The following DPP10 variants were observed in gnomAD, a reference collection of about 807,000 sequenced individuals.
DPP10 encodes the protein inactive dipeptidyl peptidase 10.
DPP10 carries 33 observed loss-of-function variants against 120.9 expected under a neutral mutation model. That is an observed-to-expected ratio of 0.27 (90% CI 0.21 to 0.37). The LOEUF is 0.37. DPP10 is among the 10% of genes least tolerant of loss of function. DPP10 has a pLI of 1.00. For missense variants in DPP10, 816 were observed against 942.8 expected, an observed-to-expected ratio of 0.87 and a Z score of 1.76; for synonymous variants, 337 against 326.1, an observed-to-expected ratio of 1.03 and a Z score of -0.36.
At chr2:115,338,790 A>G (rs970188116) in intron 2 of DPP10, among the ~76,000 whole-genome samples, 6 of 152,222 alleles carry the variant, frequency 3.9e-5, no homozygotes, top group Non-Finnish European at 8.8e-5. Context: ...GTGAAGATAT[A>G]CAAAAAGTAA....
intron 1 of DPP10, among the ~76,000 whole-genome samples, chr2:114,971,017 G>C (rs754504214): frequency 3.3e-5 from 5 of 152,146 alleles, no homozygotes; most frequent in African/African-American, 4.8e-5. Context: ...AATCCAGGGA[G>C]ATACATTTTG....
intron 1 of DPP10, among the ~76,000 whole-genome samples, chr2:114,481,786 T>C (rs1442491768): frequency 6.6e-6 from 1 of 151,976 alleles, no homozygotes; most frequent in East Asian, 1.9e-4. Context: ...TCCAATTGAT[T>C]CTCAGTTCTG....
intron 3 of DPP10, among the ~76,000 whole-genome samples, chr2:115,498,743 G>A (rs947273120): frequency 6.0e-5 from 9 of 148,978 alleles, no homozygotes; most frequent in Non-Finnish European, 1.3e-4. Context: ...TATCTCCAGA[G>A]TATCCTTATA....
chr2:115,339,541 A>G (rs13021316), intron 2 of DPP10, among the ~76,000 whole-genome samples: 7,562 of 152,264 alleles, frequency 0.05, 215 homozygotes, highest in South Asian at 0.084. Flanking sequence ...ATATCCCCAA[A>G]CCAGAAATAA....
chr2:115,284,823 A>G lies in DPP10; in HGVS notation c.61-24416A>G, dbSNP rs115243726. Among the ~76,000 whole-genome samples, 1,521 of 152,118 alleles carry G rather than the reference A, an allele frequency of 1.0e-2. 13 individuals are homozygous for G. Among genetic ancestry groups the G allele is most frequent in the Non-Finnish European group, 0.015 (1,047 of 67,910 alleles). ...TTCAGTCCTTGTCAGATGAATTTCT[A>G]CTTTATCCTCTGGATTATTGGCCCT... On this transcript the variant is annotated intron_variant, in intron 1 of 25. Transcript: ENST00000410059.
chr2:114,559,891 C>CAAAAAAAAAAAAAAAAAAAAAAAAA (rs60833358), intron 1 of DPP10, among the ~76,000 whole-genome samples: 8 of 65,926 alleles, frequency 1.2e-4, no homozygotes, highest in Non-Finnish European at 1.6e-4. Flanking sequence ...AGAAAAAAAG[C>CAAAAAAAAAAAAAAAAAAAAAAAAA]AAAAAAAAAA....
chr2:115,501,850 T>C (rs1423607381), intron 4 of DPP10, among the ~76,000 whole-genome samples: 1 of 152,084 alleles, frequency 6.6e-6, no homozygotes, highest in Non-Finnish European at 1.5e-5. Flanking sequence ...CGGGATTTAA[T>C]TTCTCTTCCA....
intron 5 of DPP10, among the ~76,000 whole-genome samples, chr2:115,636,075 C>CA (rs1201450961): frequency 1.7e-4 from 26 of 150,904 alleles, no homozygotes; most frequent in Admixed American, 1.7e-3. Context: ...CTTCTGATGA[C>CA]ATGCAATGGG....
chr2:115,536,931 A>G (rs2078883948), intron 5 of DPP10, among the ~76,000 whole-genome samples: 1 of 152,226 alleles, frequency 6.6e-6, no homozygotes, highest in South Asian at 2.1e-4. Context: ...GAGTAGAATT[A>G]GCAAGCGATG....
chr2:115,688,010 A>G (rs969391897), intron 5 of DPP10, among the ~76,000 whole-genome samples: 10 of 149,408 alleles, frequency 6.7e-5, no homozygotes, highest in African/African-American at 2.2e-4. Context: ...CTTTGGCAGC[A>G]GAGCTTTCTG....
At chr2:115,750,353 C>T (rs1451238671) in intron 10 of DPP10, among the ~76,000 whole-genome samples, 1 of 152,176 alleles carries the variant, frequency 6.6e-6, no homozygotes, top group East Asian at 1.9e-4. Context: ...TATCTTTCCT[C>T]CCTGCCTATG....
At chr2:114,741,569 G>T (rs1185108960) in intron 1 of DPP10, among the ~76,000 whole-genome samples, 1 of 152,138 alleles carries the variant, frequency 6.6e-6, no homozygotes, top group Non-Finnish European at 1.5e-5. Flanking sequence ...TCCCCAAAAA[G>T]ATTTTTTGAA....
intron 5 of DPP10, among the ~76,000 whole-genome samples, chr2:115,551,810 G>T (rs1408131578): frequency 1.3e-5 from 2 of 151,988 alleles, no homozygotes; most frequent in East Asian, 1.9e-4. Flanking sequence ...AATCACTCAA[G>T]TTACAACCTA....
intron 15 of DPP10, 135 bp from the exon 16 acceptor site, chr2:115,780,739 T>C: frequency 1.5e-6 from 1 of 674,508 alleles, no homozygotes; most frequent in Non-Finnish European, 2.3e-6. Context: ...ATATGGTGAT[T>C]CATAGTTTAC....
intron 1 of DPP10, among the ~76,000 whole-genome samples, chr2:114,464,768 G>C (rs975613516): frequency 1.3e-5 from 2 of 152,146 alleles, no homozygotes; most frequent in Non-Finnish European, 2.9e-5. Context: ...GTGAGTCTGA[G>C]GCGGGAGAAT....
intron 5 of DPP10, among the ~76,000 whole-genome samples, chr2:115,539,163 G>A (rs2079040371): frequency 6.6e-6 from 1 of 151,920 alleles, no homozygotes; most frequent in Admixed American, 6.6e-5. Context: ...CTGTATAGGA[G>A]ACAGTCATAA....
At chr2:115,455,255 G>A (rs974598215) in intron 3 of DPP10, among the ~76,000 whole-genome samples, 6 of 151,764 alleles carry the variant, frequency 4.0e-5, no homozygotes, top group Non-Finnish European at 4.4e-5. Context: ...TACATTGAAT[G>A]CAATTTCTAT....
chr2:115,357,738 A>G (rs752770602), intron 3 of DPP10, among the ~76,000 whole-genome samples: 13 of 152,060 alleles, frequency 8.5e-5, no homozygotes, highest in Non-Finnish European at 1.6e-4. Context: ...TGAGGACTCC[A>G]CCCCTGCAGC....
intron 1 of DPP10, among the ~76,000 whole-genome samples, chr2:114,492,750 C>G (rs1682118063): frequency 6.6e-6 from 1 of 152,202 alleles, no homozygotes; most frequent in Non-Finnish European, 1.5e-5. Context: ...GCAGCAGCAA[C>G]ATTGAGTGCC....
Sources: gnomAD v4.1 joint callset for allele counts (sites outside exome capture counted in the v4.1 genomes callset) on GRCh38, gnomAD v4.1.1 for gene constraint, MANE v1.5 for transcripts, NCBI Gene and HGNC (gene_info 2026-07-23, HGNC 2026-07-21) for gene names.